The following COL22A1 variants were observed in gnomAD, a reference collection of about 807,000 sequenced individuals.
The protein encoded by COL22A1 is collagen alpha-1(XXII) chain.
COL22A1 carries 221 observed loss-of-function variants against 248.9 expected under a neutral mutation model. The ratio of observed to expected loss-of-function variants is 0.89; its 90% CI spans 0.80 to 0.99. The LOEUF (loss-of-function observed/expected upper bound fraction) is 0.99. Ranked by LOEUF, COL22A1 falls within the 50% of genes least tolerant of loss-of-function variation. The pLI, the probability that COL22A1 is intolerant of heterozygous loss-of-function variation, is 0.00. For missense variants in COL22A1, 2,240 were observed against 2,179.0 expected, an observed-to-expected ratio of 1.03 and a Z score of -0.56; for synonymous variants, 891 against 793.4, an observed-to-expected ratio of 1.12 and a Z score of -2.07.
At chr8:138,866,424 T>C (rs1294321232) in intron 3 of COL22A1, among the ~76,000 whole-genome samples, 1 of 152,254 alleles carries the variant, frequency 6.6e-6, no homozygotes, top group Non-Finnish European at 1.5e-5. Context: ...TGTTTAGGTG[T>C]ATGTCCTTTT....
At chr8:138,655,604 G>A (rs1296434492) in intron 45 of COL22A1, among the ~76,000 whole-genome samples, 1 of 152,070 alleles carries the variant, frequency 6.6e-6, no homozygotes, top group Non-Finnish European at 1.5e-5. Flanking sequence ...TGGGCTCAGG[G>A]CTTAAGCTAT....
chr8:138,846,730 T>G (rs1028311316), intron 3 of COL22A1, among the ~76,000 whole-genome samples: 1 of 152,202 alleles, frequency 6.6e-6, no homozygotes, highest in Non-Finnish European at 1.5e-5. Context: ...GGCCAAGATA[T>G]CCCCACATCT....
At chr8:138,810,812 C>T (rs1818146306) in intron 9 of COL22A1, among the ~76,000 whole-genome samples, 3 of 152,224 alleles carry the variant, frequency 2.0e-5, no homozygotes, top group African/African-American at 7.2e-5. Flanking sequence ...ACTGCTGCTA[C>T]AATACCCAGA....
chr8:138,640,512 C>T (rs533417436), intron 47 of COL22A1, among the ~76,000 whole-genome samples: 119 of 152,140 alleles, frequency 7.8e-4, no homozygotes, highest in African/African-American at 2.7e-3. Context: ...CCTAACTAAC[C>T]CTCCAATGCA....
chr8:138,902,280 C>T (rs908460043), intron 1 of COL22A1, among the ~76,000 whole-genome samples: 4 of 152,188 alleles, frequency 2.6e-5, no homozygotes, highest in Admixed American at 6.5e-5. Context: ...TTACCTCAAC[C>T]CTCCAGAAAA....
intron 16 of COL22A1, among the ~76,000 whole-genome samples, chr8:138,774,850 A>G (rs189642150): frequency 5.3e-5 from 8 of 152,292 alleles, no homozygotes; most frequent in Non-Finnish European, 8.8e-5. Flanking sequence ...TAAAAACTCT[A>G]CAGCAGCACG....
intron 23 of COL22A1, among the ~76,000 whole-genome samples, chr8:138,736,898 G>A (rs1831156536): frequency 1.3e-5 from 2 of 152,178 alleles, no homozygotes; most frequent in African/African-American, 4.8e-5. Flanking sequence ...ATGTCCCAGT[G>A]TTTTGGAGGA....
intron 59 of COL22A1, among the ~76,000 whole-genome samples, 175 bp downstream of exon 59, chr8:138,604,559 C>T (rs545371136): frequency 5.9e-5 from 9 of 152,276 alleles, no homozygotes; most frequent in African/African-American, 9.6e-5. Context: ...TGTGGGGCTC[C>T]GGGCAAAATT....
chr8:138,774,606 G>C (rs1461052542), intron 16 of COL22A1, among the ~76,000 whole-genome samples: 1 of 152,000 alleles, frequency 6.6e-6, no homozygotes, highest in Non-Finnish European at 1.5e-5. Flanking sequence ...TTTTAGTAGA[G>C]ACGGGGTTTC....
chr8:138,780,261 T>G (rs1235049755), intron 13 of COL22A1, among the ~76,000 whole-genome samples: 1 of 152,202 alleles, frequency 6.6e-6, no homozygotes, highest in East Asian at 1.9e-4. Flanking sequence ...CTCCAGGATC[T>G]TAGACCACCT....
intron 59 of COL22A1, among the ~76,000 whole-genome samples, 199 bp downstream of exon 59, chr8:138,604,535 C>A (rs1333791379): frequency 6.6e-6 from 1 of 152,216 alleles, no homozygotes; most frequent in East Asian, 1.9e-4. Context: ...TGCCCCTGCA[C>A]TGGCTACATA....
chr8:138,746,029 T>A (rs1832075819), intron 22 of COL22A1, among the ~76,000 whole-genome samples: 3 of 152,172 alleles, frequency 2.0e-5, no homozygotes, highest in Admixed American at 6.5e-5. Flanking sequence ...TGGGCGGGCA[T>A]CTCCTGCAGC....
chr8:138,682,587 T>C (rs910037388), intron 39 of COL22A1, among the ~76,000 whole-genome samples: 2 of 152,238 alleles, frequency 1.3e-5, no homozygotes, highest in Non-Finnish European at 2.9e-5. Flanking sequence ...TGCTCTTCTC[T>C]GAACACATTC....
intron 35 of COL22A1, among the ~76,000 whole-genome samples, chr8:138,693,325 G>A (rs888290314): frequency 1.3e-5 from 2 of 152,184 alleles, no homozygotes; most frequent in African/African-American, 4.8e-5. Flanking sequence ...GTACATGTAC[G>A]TGGTTGTGCA....
chr8:138,840,696 A>AC (rs1820818341), intron 4 of COL22A1, among the ~76,000 whole-genome samples: 1 of 152,040 alleles, frequency 6.6e-6, no homozygotes, highest in African/African-American at 2.4e-5. Context: ...TAAGCGAACC[A>AC]CCCACCTCAG....
intron 39 of COL22A1, among the ~76,000 whole-genome samples, chr8:138,682,811 T>G (rs946457740): frequency 5.3e-5 from 8 of 152,226 alleles, no homozygotes; most frequent in Non-Finnish European, 1.0e-4. Context: ...GCGATTCTCC[T>G]GCCTCAGCCT....
At chr8:138,819,746 A>G (rs890463445) in intron 7 of COL22A1, among the ~76,000 whole-genome samples, 2 of 149,466 alleles carry the variant, frequency 1.3e-5, no homozygotes, top group African/African-American at 4.9e-5. Flanking sequence ...TTTACACACA[A>G]CATATATATA....
chr8:138,884,443 A>G (rs1824487816), intron 1 of COL22A1, among the ~76,000 whole-genome samples: 1 of 152,232 alleles, frequency 6.6e-6, no homozygotes, highest in Non-Finnish European at 1.5e-5. Context: ...TTGCAATGGT[A>G]GCGAAGTTAT....
chr8:138,716,174 C>T, intron 29 of COL22A1, 53 bp downstream of exon 29: 1 of 1,413,374 alleles, frequency 7.1e-7, no homozygotes, highest in South Asian at 1.2e-5. Flanking sequence ...GGGCTGCTCT[C>T]TGTGGAGATG....
Sources: allele counts gnomAD v4.1 joint callset (sites outside exome capture counted in the v4.1 genomes callset), GRCh38; gene constraint gnomAD v4.1.1; transcripts MANE v1.5; gene names NCBI Gene and HGNC (gene_info 2026-07-23, HGNC 2026-07-21).